JDP2: variants seen among roughly 807,000 people sequenced by gnomAD.
The protein encoded by JDP2 is Jun dimerization protein 2.
JDP2 carries 9 observed loss-of-function variants against 17.1 expected under a neutral mutation model. The ratio of observed to expected loss-of-function variants is 0.53; its 90% CI spans 0.32 to 0.92. JDP2 has a LOEUF of 0.92. JDP2 is among the 40% of genes least tolerant of loss of function. The pLI, the probability that JDP2 is intolerant of heterozygous loss-of-function variation, is 0.04. For missense variants in JDP2, 179 were observed against 220.0 expected, an observed-to-expected ratio of 0.81 and a Z score of 1.18; for synonymous variants, 107 against 95.6, an observed-to-expected ratio of 1.12 and a Z score of -0.69.
chr14:75,441,914 G>A (rs945285831), intron 2 of JDP2, among the ~76,000 whole-genome samples: 1 of 152,108 alleles, frequency 6.6e-6, no homozygotes, highest in African/African-American at 2.4e-5. Flanking sequence ...CTGCCTCTGG[G>A]TCTGGAATGC....
At chr14:75,466,026 A>G (rs1278574748) in intron 3 of JDP2, among the ~76,000 whole-genome samples, 1 of 151,750 alleles carries the variant, frequency 6.6e-6, no homozygotes, top group Non-Finnish European at 1.5e-5. Context: ...AACCACTTCT[A>G]CAATCATGGT....
At chr14:75,462,474 A>T (rs557845530) in intron 3 of JDP2, among the ~76,000 whole-genome samples, 13 of 152,338 alleles carry the variant, frequency 8.5e-5, no homozygotes, top group African/African-American at 3.1e-4. Context: ...TAATAACCAT[A>T]TGAAGTGGGT....
intron 2 of JDP2, among the ~76,000 whole-genome samples, chr14:75,459,150 G>A (rs1291536454): frequency 6.6e-6 from 1 of 152,192 alleles, no homozygotes; most frequent in East Asian, 1.9e-4. Flanking sequence ...TACCCAGGCT[G>A]CACACATCAC....
chr14:75,458,076 G>A (rs1886194388), intron 2 of JDP2, among the ~76,000 whole-genome samples: 1 of 152,184 alleles, frequency 6.6e-6, no homozygotes, highest in African/African-American at 2.4e-5. Context: ...GGCTAGCAGG[G>A]AAAACAGGCA....
intron 3 of JDP2, among the ~76,000 whole-genome samples, chr14:75,466,586 G>T (rs1486962347): frequency 6.6e-6 from 1 of 152,204 alleles, no homozygotes; most frequent in African/African-American, 2.4e-5. Context: ...ACCCTACACT[G>T]CACTGATCTT....
intron 3 of JDP2, among the ~76,000 whole-genome samples, chr14:75,464,358 G>C (rs375206137): frequency 6.6e-6 from 1 of 152,142 alleles, no homozygotes; most frequent in Non-Finnish European, 1.5e-5. Flanking sequence ...CATAGCCAAG[G>C]GTTCTGCAGC....
intron 1 of JDP2, among the ~76,000 whole-genome samples, chr14:75,433,874 C>G (rs1034130168): frequency 6.6e-6 from 1 of 152,154 alleles, no homozygotes; most frequent in African/African-American, 2.4e-5. Context: ...ATGGATAGAA[C>G]TTAATCCTTA....
rs546768863 is a variant in JDP2, at chr14:75,448,672, G to A, written c.201+10551G>A. 1.0e-3 allele frequency among the ~76,000 whole-genome samples: 157 copies of A among 152,238 alleles called. 1 individual carries two copies. The highest frequency in any genetic ancestry group is 2.8e-3 in the Admixed American group (43 of 15,296). On this transcript the variant is annotated intron_variant, in intron 2 of 3. Coordinates refer to ENST00000651602, the MANE Select transcript of JDP2 (RefSeq NM_001135048.2). ...GTCTTGAGATGCTCAACATTGCCAC[G>A]TCCACGCCCTAAGGGACTTCCCAAT...
chr14:75,470,135 G>A lies in JDP2; in HGVS notation c.*660G>A, dbSNP rs889808047. The A allele has an allele frequency of 1.3e-5, 2 of 151,996 alleles. No individual in the cohort carries two copies. The highest frequency in any genetic ancestry group is 2.9e-5 in the Non-Finnish European group (2 of 67,942). 9.4% of individuals were successfully genotyped at this position (151,996 alleles called of 1,614,324 possible). On this transcript the variant is annotated 3_prime_UTR_variant, in exon 4 of 4. Coordinates refer to ENST00000651602, the MANE Select transcript of JDP2 (RefSeq NM_001135048.2). ...CGAATGTTTACAGACTGGCTGTCCT[G>A]GCAGGGCTTTCAACTGCACATGTTT...
chr14:75,437,062 C>T (rs1423130349), intron 1 of JDP2, among the ~76,000 whole-genome samples: 1 of 151,682 alleles, frequency 6.6e-6, no homozygotes, highest in Non-Finnish European at 1.5e-5. Context: ...GGCGTGGTGG[C>T]AGGTGCCTGT....
chr14:75,457,142 C>T (rs1280136708), intron 2 of JDP2, among the ~76,000 whole-genome samples: 1 of 152,272 alleles, frequency 6.6e-6, no homozygotes, highest in Non-Finnish European at 1.5e-5. Flanking sequence ...TTCAAACATC[C>T]TGGTTCTTCC....
Position 75,469,678 on chromosome 14 carries a change from G to A in JDP2, c.*203G>A, listed in dbSNP as rs1886734360. On this transcript the variant is annotated 3_prime_UTR_variant, in exon 4 of 4. Transcript: ENST00000651602. ...GAAGAGCGGGCTGAGGAAACCCAGA[G>A]GGACCAAGCGCTGAGACCAAAGTTG... 1 of 576,480 alleles carries A rather than the reference G, an allele frequency of 1.7e-6. No individual in the cohort carries two copies. Among genetic ancestry groups the A allele is most frequent in the Non-Finnish European group, 3.1e-6 (1 of 326,388 alleles). The allele number at this position is 576,480 out of a possible 1,614,324, so 35.7% of individuals were successfully genotyped here. A position where few individuals can be genotyped will look rare whatever the true frequency, so the allele number is the denominator to read the frequency against.
chr14:75,464,374 T>A (rs1954157846), intron 3 of JDP2, among the ~76,000 whole-genome samples: 1 of 152,200 alleles, frequency 6.6e-6, no homozygotes, highest in South Asian at 2.1e-4. Context: ...GCAGCTGTGA[T>A]TTGACCAACA....
chr14:75,429,591 A>T (rs1884700706), intron 1 of JDP2, among the ~76,000 whole-genome samples: 1 of 152,176 alleles, frequency 6.6e-6, no homozygotes, highest in African/African-American at 2.4e-5. Context: ...CTTTCCAGCA[A>T]ATCTGGCTGC....
At chr14:75,427,101 TC>T (rs1299580692), upstream of JDP2, 1 of 152,238 alleles carries the variant, frequency 6.6e-6, no homozygotes, top group East Asian at 1.9e-4. The surrounding 1 kb of genome is among the most constrained non-coding windows in gnomAD (Gnocchi z 4.4). Context: ...CCCTCTGGAG[TC>T]CCCTTCACCA....
chr14:75,464,844 C>T (rs1886505132), intron 3 of JDP2, among the ~76,000 whole-genome samples: 1 of 152,232 alleles, frequency 6.6e-6, no homozygotes, highest in South Asian at 2.1e-4. Context: ...CATCCTCCAT[C>T]TGCGGTCAGG....
At chr14:75,467,422 C>A (rs907447798) in intron 3 of JDP2, among the ~76,000 whole-genome samples, 1 of 152,174 alleles carries the variant, frequency 6.6e-6, no homozygotes, top group African/African-American at 2.4e-5. Flanking sequence ...TGCTTCTTCC[C>A]CTTACAGTGG....
chr14:75,471,608 G>A lies in JDP2; in HGVS notation c.*2133G>A, dbSNP rs1446385232. On this transcript the variant is annotated 3_prime_UTR_variant, in exon 4 of 4. Transcript: ENST00000651602. ...TCTGGGATGGGCAGAAGTGGAGAAT[G>A]GTGATTAACACACCTGTGATCCCTC... is the stretch of plus-strand genomic sequence containing the variant. 6.6e-6 allele frequency: 1 copy of A among 152,194 alleles called. No individual in the cohort carries two copies. The highest frequency in any genetic ancestry group is 2.4e-5 in the African/African-American group (1 of 41,416). The allele number at this position is 152,194 out of a possible 1,614,324, so 9.4% of individuals were successfully genotyped here. A position where few individuals can be genotyped will look rare whatever the true frequency, so the allele number is the denominator to read the frequency against.
At chr14:75,455,649 A>G (rs34936647) in intron 2 of JDP2, among the ~76,000 whole-genome samples, 43,152 of 151,886 alleles carry the variant, frequency 0.28, 6,805 homozygotes, top group East Asian at 0.44. Context: ...TCCTCTACCA[A>G]AGAGCACAGC....
Sources: gnomAD v4.1 joint callset for allele counts (sites outside exome capture counted in the v4.1 genomes callset) on GRCh38, gnomAD v4.1.1 for gene constraint, Gnocchi (gnomAD v3.1) non-coding constraint, MANE v1.5 for transcripts, NCBI Gene and HGNC (gene_info 2026-07-23, HGNC 2026-07-21) for gene names.